The following MS4A12 variants were observed in gnomAD, a reference collection of about 807,000 sequenced individuals.
MS4A12 encodes the protein membrane-spanning 4-domains subfamily A member 12.
MS4A12 carries 28 observed loss-of-function variants against 23.7 expected under a neutral mutation model. The ratio of observed to expected loss-of-function variants is 1.18; its 90% CI spans 0.88 to 1.62. The LOEUF is 1.62. Among genes scored for constraint, MS4A12 ranks in the 40% most tolerant of loss-of-function variants. The pLI is 0.00. For missense variants in MS4A12, 342 were observed against 327.0 expected (o/e 1.05, Z -0.35); for synonymous variants, 108 against 110.1 (o/e 0.98, Z 0.12).
In MS4A12 at chr11:60,507,293, C is replaced by T; in HGVS notation, c.*169C>T. 1.7e-6 allele frequency: 1 copy of T among 605,770 alleles called. No homozygotes were observed. Among genetic ancestry groups the T allele is most frequent in the Non-Finnish European group, 2.9e-6 (1 of 342,864 alleles). The allele number at this position is 605,770 out of a possible 1,614,324, so 37.5% of individuals were successfully genotyped here. The stretch of plus-strand genomic sequence containing the variant: ...ATGGCTGTATCTCCCTTCACTGTCT[C>T]TTCCTACATTACCACTACTACATGC... On this transcript the variant is annotated 3_prime_UTR_variant, in exon 7 of 7. Transcript: ENST00000016913.
At position 60,505,723 on chromosome 11, in the gene MS4A12, G is replaced by A. The variant is rs187326426; in HGVS notation, c.589-1005G>A. 1.6e-4 allele frequency among the ~76,000 whole-genome samples: 24 copies of A among 152,272 alleles called. 1 individual carries two copies. The highest frequency in any genetic ancestry group is 1.4e-3 in the Admixed American group (22 of 15,302). ...CTGTAGCTGAGAAGGCTGGGGTGGA[G>A]AGCAGTCAATTCTGTGAAAGGATAA... On this transcript the variant is annotated intron_variant, in intron 5 of 6. Coordinates refer to ENST00000016913, the MANE Select transcript of MS4A12 (RefSeq NM_017716.3).
At chr11:60,505,111 A>G (rs2086560477) in intron 5 of MS4A12, among the ~76,000 whole-genome samples, 1 of 152,166 alleles carries the variant, frequency 6.6e-6, no homozygotes, top group African/African-American at 2.4e-5. Context: ...GACTGAGAAG[A>G]AAAAGGGGTT....
At chr11:60,502,877 T>C (rs1409700718) in intron 4 of MS4A12, among the ~76,000 whole-genome samples, 1 of 152,310 alleles carries the variant, frequency 6.6e-6, no homozygotes, top group East Asian at 1.9e-4. Context: ...TTTCTCTGCA[T>C]CTTTTAAGGA....
intron 1 of MS4A12, among the ~76,000 whole-genome samples, chr11:60,493,643 C>T (rs1234921047): frequency 6.6e-6 from 1 of 151,894 alleles, no homozygotes; most frequent in African/African-American, 2.4e-5. Flanking sequence ...TTCACCAGAT[C>T]AGCATTTTGT....
At position 60,507,119 on chromosome 11, in the gene MS4A12, A is replaced by T. The variant is rs376989014; in HGVS notation, c.799A>T (p.Lys267Ter). Residue 267 changes from lysine (K) to a stop codon, truncating the protein, a stop_gained, in exon 7 of 7, where the codon AAA becomes TAA. Transcript: ENST00000016913. LOFTEE classifies it high-confidence loss of function. Reference protein sequence around the residue: ...RCNNYSANAPK With the variant: ...RCNNYSANAP ...CAACAACTACTCAGCTAATGCCCCTAAATAGTAAAAGAAAAAGGGGTATCA... is the reference window on the plus strand; with the variant it reads ...CAACAACTACTCAGCTAATGCCCCTTAATAGTAAAAGAAAAAGGGGTATCA... 24 of 1,608,126 alleles carry T rather than the reference A, an allele frequency of 1.5e-5. No individual in the cohort carries two copies. Among genetic ancestry groups the T allele is most frequent in the Non-Finnish European group, 2.0e-5 (24 of 1,174,656 alleles).
chr11:60,497,627 A>T (rs766359237), intron 2 of MS4A12, 33 bp downstream of exon 2: 1 of 1,606,142 alleles, frequency 6.2e-7, no homozygotes, highest in Non-Finnish European at 8.5e-7. Flanking sequence ...TTTTAATTTC[A>T]CATTTGCAAG....
chr11:60,493,015 C>T (rs1173685779), intron 1 of MS4A12, 187 bp downstream of exon 1: 1 of 151,858 alleles, frequency 6.6e-6, no homozygotes, highest in East Asian at 1.9e-4. Flanking sequence ...AGAAACAAAA[C>T]AGAAGAGGAA....
chr11:60,502,031 C>T lies in MS4A12; in HGVS notation c.463C>T (p.Arg155Cys), dbSNP rs200547614. ...TGTGTCAGCATCCAAGGAGCTTTCC[C>T]GTTGTCTGGTAAGTTAGACTGTCTC... The part of the protein sequence containing the change: ...LSVSASKELS[R>C]CLVKGSLGMN... The change falls in exon 4 of 7, where the codon CGT (arginine) becomes TGT (cysteine). Residue 155 changes from arginine to cysteine, a missense_variant. Arg to Cys is a radical substitution (Grantham distance 180). Coordinates refer to ENST00000016913, the MANE Select transcript of MS4A12 (RefSeq NM_017716.3). The T allele has an allele frequency of 5.0e-5, 80 of 1,611,770 alleles. No individual in the cohort carries two copies. The East Asian group carries it at 1.0e-3, about 21-fold the overall frequency.
At chr11:60,502,539 A>G (rs2086538839) in intron 4 of MS4A12, among the ~76,000 whole-genome samples, 1 of 152,174 alleles carries the variant, frequency 6.6e-6, no homozygotes, top group African/African-American at 2.4e-5. Context: ...CTTGTTCTGT[A>G]AGAAGAGTTT....
intron 2 of MS4A12, among the ~76,000 whole-genome samples, chr11:60,500,573 G>A (rs1266003431): frequency 1.3e-5 from 2 of 152,292 alleles, no homozygotes; most frequent in East Asian, 1.9e-4. Context: ...AACAATAAAT[G>A]TAAAGTGTTC....
intron 2 of MS4A12, among the ~76,000 whole-genome samples, chr11:60,500,209 C>T (rs867349517): frequency 4.0e-5 from 6 of 150,592 alleles, no homozygotes; most frequent in African/African-American, 1.5e-4. Context: ...CCACTGCACT[C>T]CAGCCTGGGC....
chr11:60,494,867 T>C (rs2086475857), intron 1 of MS4A12, among the ~76,000 whole-genome samples: 1 of 152,220 alleles, frequency 6.6e-6, no homozygotes, highest in South Asian at 2.1e-4. Flanking sequence ...ACCAGATCCA[T>C]AGGATGTATA....
intron 2 of MS4A12, 87 bp from the exon 3 acceptor site, chr11:60,500,958 A>C (rs2086525456): frequency 6.9e-7 from 1 of 1,445,258 alleles, no homozygotes; most frequent in Non-Finnish European, 9.3e-7. Context: ...AAAATTGACA[A>C]TAAATAAGCA....
intron 2 of MS4A12, among the ~76,000 whole-genome samples, chr11:60,498,978 G>A (rs909303385): frequency 6.6e-6 from 1 of 152,250 alleles, no homozygotes; most frequent in African/African-American, 2.4e-5. Flanking sequence ...GCCACAGGTG[G>A]TGAGGCCTGC....
intron 5 of MS4A12, among the ~76,000 whole-genome samples, chr11:60,504,614 T>A (rs1253827814): frequency 6.6e-6 from 1 of 152,260 alleles, no homozygotes; most frequent in Non-Finnish European, 1.5e-5. Flanking sequence ...ACATATATCT[T>A]AAGAAAGACA....
At chr11:60,501,485 T>C (rs1478427147) in intron 3 of MS4A12, among the ~76,000 whole-genome samples, 2 of 152,124 alleles carry the variant, frequency 1.3e-5, no homozygotes, top group African/African-American at 4.8e-5. Flanking sequence ...TCCTACTACA[T>C]TTGAGATGGA....
intron 1 of MS4A12, 28 bp from the exon 2 acceptor site, chr11:60,497,285 T>A (rs761301413): frequency 6.4e-7 from 1 of 1,567,666 alleles, no homozygotes; most frequent in Non-Finnish European, 8.6e-7. Context: ...GATAAACGTA[T>A]CACTTTTGTA....
Position 60,501,057 on chromosome 11 carries a change from A to T in MS4A12, c.289A>T (p.Met97Leu). Residue 97 changes from methionine (M) to leucine (L), a missense_variant, in exon 3 of 7, where the codon ATG (methionine) becomes TTG (leucine). Physicochemically the swap from Met to Leu is conservative, Grantham distance 15. Transcript: ENST00000016913. ...EAKALGVIQI[M>L]VGLMHIGFGI... ...TTTCTTTTTTCAGGTGATCCAGATCATGGTTGGATTGATGCACATTGGTTT... is the reference window on the plus strand; with the variant it reads ...TTTCTTTTTTCAGGTGATCCAGATCTTGGTTGGATTGATGCACATTGGTTT... 6.2e-7 allele frequency: 1 copy of T among 1,604,036 alleles called. No individual in the cohort carries two copies. Among genetic ancestry groups the T allele is most frequent in the Non-Finnish European group, 8.5e-7 (1 of 1,176,984 alleles).
chr11:60,497,800 G>A, intron 2 of MS4A12: 1 of 557,792 alleles, frequency 1.8e-6, no homozygotes, highest in Non-Finnish European at 3.1e-6. Flanking sequence ...ACACAGAGGA[G>A]CCTCCCTAGC....
Sources: gnomAD v4.1 joint callset for allele counts (sites outside exome capture counted in the v4.1 genomes callset) on GRCh38, gnomAD v4.1.1 for gene constraint, MANE v1.5 for transcripts, NCBI Gene and HGNC (gene_info 2026-07-23, HGNC 2026-07-21) for gene names.